Variants in EVC2 observed in about 807,000 individuals in gnomAD.
The protein encoded by EVC2 is EvC ciliary complex subunit 2, also known as limbin.
A neutral mutation model predicts 149.3 loss-of-function variants in EVC2; 148 were observed. That is an observed-to-expected ratio of 0.99 (90% CI 0.87 to 1.14). The LOEUF (loss-of-function observed/expected upper bound fraction) is 1.14, where lower values mean the gene tolerates loss of function less well. Ranked by LOEUF, EVC2 falls within the 50% of genes most tolerant of loss-of-function variation. The pLI, the probability that EVC2 is intolerant of heterozygous loss-of-function variation, is 0.00. For synonymous variants in EVC2, 776 were observed against 649.9 expected (o/e 1.19, Z -2.95); for missense variants, 1,854 against 1,627.3 (o/e 1.14, Z -2.40).
rs1400397717 is a variant in EVC2 at position 5,625,406 on chromosome 4, T to A, written c.2046+343A>T. On this transcript the variant is annotated intron_variant, in intron 13 of 21. Transcript: ENST00000344408. The surrounding 1 kb of genome is among the most constrained non-coding windows in gnomAD (Gnocchi z 4.0). ...TACAGATTAAACAAGATATCTTATA[T>A]AACACACTTAGCACAGTGCTAAGTA... Among the ~76,000 whole-genome samples the A allele has an allele frequency of 7.2e-5, 11 of 151,876 alleles. No individual in the cohort carries two copies. In the East Asian group the frequency reaches 2.1e-3, roughly 29 times the overall value.
chr4:5,704,852 T>C (rs1722034129), intron 1 of EVC2, among the ~76,000 whole-genome samples: 1 of 150,230 alleles, frequency 6.7e-6, no homozygotes, highest in African/African-American at 2.5e-5. Flanking sequence ...AATACAGGCA[T>C]GTGCTATCAC....
intron 6 of EVC2, among the ~76,000 whole-genome samples, chr4:5,683,242 G>A (rs946865354): frequency 2.6e-5 from 4 of 152,172 alleles, no homozygotes; most frequent in African/African-American, 7.2e-5. Context: ...TTTGGAATAC[G>A]TACGGTGCCT....
At position 5,562,942 on chromosome 4, in the gene EVC2, G is replaced by C. The variant is rs764009438; in HGVS notation, c.3833C>G (p.Pro1278Arg). Residue 1278 changes from proline to arginine, a missense_variant, in exon 22 of 22, where the codon CCA becomes CGA. Physicochemically the swap from Pro to Arg is moderately radical, Grantham distance 103. Coordinates refer to ENST00000344408, the MANE Select transcript of EVC2 (RefSeq NM_147127.5). The surrounding 1 kb of genome is among the most constrained non-coding windows in gnomAD (Gnocchi z 4.3). ...TGEKLFIFRN[P>R]KEPEISLHVP... ...GTGCAGTGAGATCTCTGGCTCCTTTGGATTTCTGAATATAAAGAGCTTCTC... is the reference window on the plus strand; with the variant it reads ...GTGCAGTGAGATCTCTGGCTCCTTTCGATTTCTGAATATAAAGAGCTTCTC... The C allele has an allele frequency of 6.2e-7, 1 of 1,614,010 alleles. No individual in the cohort carries two copies. The highest frequency in any genetic ancestry group is 8.5e-7 in the Non-Finnish European group (1 of 1,180,022).
At chr4:5,691,699 C>T (rs986510335) in intron 3 of EVC2, among the ~76,000 whole-genome samples, 2 of 152,144 alleles carry the variant, frequency 1.3e-5, no homozygotes, top group South Asian at 2.1e-4. Flanking sequence ...GCTGACAGTA[C>T]ACCTGTGCAC....
chr4:5,567,370 T>C lies in EVC2; in HGVS notation c.3557+1074A>G, dbSNP rs1722350203. 6.6e-6 allele frequency among the ~76,000 whole-genome samples: 1 copy of C among 152,084 alleles called. No homozygotes were observed. The highest frequency in any genetic ancestry group is 1.5e-5 in the Non-Finnish European group (1 of 68,022). On this transcript the variant is annotated intron_variant, in intron 20 of 21. Coordinates refer to ENST00000344408, the MANE Select transcript of EVC2 (RefSeq NM_147127.5). The surrounding 1 kb of genome is among the most constrained non-coding windows in gnomAD (Gnocchi z 4.4). ...GGGTCAGATACTCTGATAAAAAGTA[T>C]CTCTGATAAGGAAAACATTACCCCT... is the stretch of plus-strand genomic sequence containing the variant.
intron 9 of EVC2, among the ~76,000 whole-genome samples, chr4:5,649,712 C>T (rs1009485212): frequency 6.6e-6 from 1 of 152,176 alleles, no homozygotes; most frequent in Non-Finnish European, 1.5e-5. Flanking sequence ...AATCTGGCAT[C>T]TTCAAGGTAG....
chr4:5,568,581 G>A lies in EVC2; in HGVS notation c.3420C>T (p.Arg1140=). 2 of 1,607,872 alleles carry A rather than the reference G, an allele frequency of 1.2e-6. No individual in the cohort carries two copies. The highest frequency in any genetic ancestry group is 1.7e-6 in the Non-Finnish European group (2 of 1,179,596). ...TGGGCAGTACCACACTCAGGAGCCG[G>A]CGAAGCGTGGCCCCGGGCACCATGG... ...RMAMVPGATL[R]RLLSVVLPTA... Residue 1140 remains arginine (R), a synonymous_variant, in exon 20 of 22, where the codon CGC becomes CGT. Transcript: ENST00000344408.
At chr4:5,698,555 C>A (rs1054382425) in intron 1 of EVC2, among the ~76,000 whole-genome samples, 4 of 152,220 alleles carry the variant, frequency 2.6e-5, no homozygotes, top group African/African-American at 9.7e-5. Flanking sequence ...TTATGAATCA[C>A]TGGGCTCTAG....
rs952509420 is a variant in EVC2, at chr4:5,657,232, C to T, written c.1145+5875G>A. Reference sequence around the variant, plus strand: ...GGTCAGGACTGCTTCACACTTTTTACATTCCCACCTTTTCCTCCTCTGCTG... The same window carrying T: ...GGTCAGGACTGCTTCACACTTTTTATATTCCCACCTTTTCCTCCTCTGCTG... On this transcript the variant is annotated intron_variant, in intron 9 of 21. Transcript: ENST00000344408. The surrounding 1 kb of genome is among the most constrained non-coding windows in gnomAD (Gnocchi z 4.7). Among the ~76,000 whole-genome samples, 3 of 152,192 alleles carry T rather than the reference C, an allele frequency of 2.0e-5. No homozygotes were observed. The highest frequency in any genetic ancestry group is 7.2e-5 in the African/African-American group (3 of 41,454).
chr4:5,594,562 A>C (rs1713193277), intron 16 of EVC2, among the ~76,000 whole-genome samples: 1 of 152,134 alleles, frequency 6.6e-6, no homozygotes, highest in African/African-American at 2.4e-5. Flanking sequence ...CCACACCAAA[A>C]ACCCATCTGT....
intron 7 of EVC2, among the ~76,000 whole-genome samples, chr4:5,671,786 A>G (rs1719667426): frequency 6.6e-6 from 1 of 152,230 alleles, no homozygotes; most frequent in Admixed American, 6.5e-5. Context: ...TTGGGATTAC[A>G]GACGTCAGCC....
At chr4:5,581,238 A>T (rs1711747191) in intron 17 of EVC2, among the ~76,000 whole-genome samples, 1 of 152,252 alleles carries the variant, frequency 6.6e-6, no homozygotes, top group South Asian at 2.1e-4. Flanking sequence ...AATACTTGAA[A>T]ATGTGAAAGC....
downstream of EVC2, among the ~76,000 whole-genome samples, chr4:5,540,439 C>T (rs978699289): frequency 6.6e-6 from 1 of 152,200 alleles, no homozygotes; most frequent in Non-Finnish European, 1.5e-5. Context: ...TTTCCATCAA[C>T]AGGTGAATGT....
chr4:5,681,375 A>G (rs1330347664), intron 6 of EVC2, 62 bp from the exon 7 acceptor site: 2 of 1,546,402 alleles, frequency 1.3e-6, no homozygotes, highest in African/African-American at 1.4e-5. Flanking sequence ...GTGGGATAAC[A>G]TTTGGTGCGA....
At chr4:5,549,350 G>A (rs1216863292) in intron 21 of EVC2, among the ~76,000 whole-genome samples, 1 of 152,194 alleles carries the variant, frequency 6.6e-6, no homozygotes, top group East Asian at 1.9e-4. Flanking sequence ...AATACAATGA[G>A]TAGTAAAGAG....
downstream of EVC2, among the ~76,000 whole-genome samples, chr4:5,539,718 G>C (rs1241624120): frequency 1.3e-5 from 2 of 152,018 alleles, no homozygotes; most frequent in African/African-American, 2.4e-5. Context: ...TTGTACAATT[G>C]CATGTGCAAA....
chr4:5,576,126 T>C lies in EVC2; in HGVS notation c.3272+114A>G. 1 of 1,569,070 alleles carries C rather than the reference T, an allele frequency of 6.4e-7. No homozygotes were observed. The highest frequency in any genetic ancestry group is 8.7e-7 in the Non-Finnish European group (1 of 1,149,068). On this transcript the variant is annotated intron_variant, in intron 18 of 21. Coordinates refer to ENST00000344408, the MANE Select transcript of EVC2 (RefSeq NM_147127.5). The surrounding 1 kb of genome is among the most constrained non-coding windows in gnomAD (Gnocchi z 4.5). ...CGTGTTGGAGCAATGGGATGACACC[T>C]TAGGCAAGAGGGTGAGAGCCCAGGT... is the stretch of plus-strand genomic sequence containing the variant.
At chr4:5,699,576 G>A (rs1207158507) in intron 1 of EVC2, among the ~76,000 whole-genome samples, 1 of 150,270 alleles carries the variant, frequency 6.7e-6, no homozygotes, top group Non-Finnish European at 1.5e-5. Flanking sequence ...AGCTAAATGC[G>A]GTCCATCCAT....
intron 17 of EVC2, among the ~76,000 whole-genome samples, chr4:5,583,888 C>T (rs560109460): frequency 1.3e-5 from 2 of 148,174 alleles, no homozygotes; most frequent in South Asian, 4.4e-4. Context: ...CGGAGTCTTG[C>T]TCTGTCTCAC....
Sources: allele counts gnomAD v4.1 joint callset (sites outside exome capture counted in the v4.1 genomes callset), GRCh38; gene constraint gnomAD v4.1.1; non-coding constraint Gnocchi (gnomAD v3.1); transcripts MANE v1.5; gene names NCBI Gene and HGNC (gene_info 2026-07-23, HGNC 2026-07-21).